Variants in HTT observed in about 807,000 individuals in gnomAD.
The protein encoded by HTT is huntington disease protein.
Under a neutral mutation model 362.3 loss-of-function variants are expected in HTT, and 104 were observed. The observed-to-expected ratio is 0.29, with a 90% CI of 0.24 to 0.34. The LOEUF is 0.34. HTT is among the 10% of genes least tolerant of loss of function. HTT has a pLI of 1.00. For missense variants in HTT, 3,301 were observed against 3,928.6 expected (o/e 0.84, Z 4.27); for synonymous variants, 1,577 against 1,548.7 (o/e 1.02, Z -0.43).
At position 3,105,719 on chromosome 4, in the gene HTT, C is replaced by T. The variant is rs148892943; in HGVS notation, c.608+283C>T. ...CTTACTGTCTTATGCTCTGTTGCAG[C>T]CCAGCAGCGATAACAGTGTCTGCAC... On this transcript the variant is annotated intron_variant, in intron 5 of 66. Coordinates refer to ENST00000355072, the MANE Select transcript of HTT (RefSeq NM_001388492.1). Among the ~76,000 whole-genome samples, 444 of 152,310 alleles carry T rather than the reference C, an allele frequency of 2.9e-3. 3 individuals are homozygous for T. Among genetic ancestry groups the T allele is most frequent in the African/African-American group, 1.0e-2 (414 of 41,552 alleles).
At position 3,211,858 on chromosome 4, in the gene HTT, G is replaced by A. The variant is rs147512260; in HGVS notation, c.6415-71G>A. The A allele has an allele frequency of 5.3e-4, 587 of 1,107,196 alleles. 1 individual carries two copies. The African/African-American group carries it at 8.2e-3, about 15-fold the overall frequency. 68.6% of individuals were successfully genotyped at this position (1,107,196 alleles called of 1,614,324 possible). A position where few individuals can be genotyped will look rare whatever the true frequency, so the allele number is the denominator to read the frequency against. Reference sequence around the variant, plus strand: ...TTTGCCTTATTCTTTTTTCTGTTGTGTTTTTCTTACCTGATTGAAAGCTCA... The same window carrying A: ...TTTGCCTTATTCTTTTTTCTGTTGTATTTTTCTTACCTGATTGAAAGCTCA... On this transcript the variant is annotated intron_variant, in intron 47 of 66. Transcript: ENST00000355072.
chr4:3,217,417 A>C (rs1288008043), intron 51 of HTT, among the ~76,000 whole-genome samples: 1 of 152,182 alleles, frequency 6.6e-6, no homozygotes, highest in Non-Finnish European at 1.5e-5. Context: ...GAGAAAGACG[A>C]GGGGCAGAGG....
rs1719921978 is a variant in HTT at position 3,207,449 on chromosome 4, A to T, written c.6152+92A>T. On this transcript the variant is annotated intron_variant, in intron 45 of 66. Transcript: ENST00000355072. Reference sequence around the variant, plus strand: ...ACGGGAATAAATTCACAGGACAAGAAATCGATGTGCCTTATAGGTGGGTTT... The same window carrying T: ...ACGGGAATAAATTCACAGGACAAGATATCGATGTGCCTTATAGGTGGGTTT... The T allele has an allele frequency of 3.7e-6, 4 of 1,070,148 alleles. No individual in the cohort carries two copies. The Admixed American group carries it at 6.1e-5, about 16-fold the overall frequency. 66.3% of individuals were successfully genotyped at this position (1,070,148 alleles called of 1,614,324 possible).
intron 6 of HTT, among the ~76,000 whole-genome samples, chr4:3,111,868 T>A (rs1714768537): frequency 3.3e-5 from 5 of 152,144 alleles, no homozygotes; most frequent in Admixed American, 3.3e-4. Flanking sequence ...CCCTCCACTT[T>A]CAGATGTATG....
chr4:3,160,236 C>T (rs774766239), intron 28 of HTT, 46 bp from the exon 29 acceptor site: 11 of 1,235,356 alleles, frequency 8.9e-6, no homozygotes, highest in South Asian at 3.8e-5. Context: ...ATTATGAGAT[C>T]GTGACAGGGC....
In HTT at chr4:3,138,046, T is replaced by A. The variant is rs75006673; in HGVS notation, c.2798+1720T>A. ...ATTTTGGTACTTACTGTGAAACTGC[T>A]CTTCAAAAACATACCATTGTTCCTT... is the stretch of plus-strand genomic sequence containing the variant. On this transcript the variant is annotated intron_variant, in intron 21 of 66. Transcript: ENST00000355072. 5.6e-4 allele frequency among the ~76,000 whole-genome samples: 85 copies of A among 152,004 alleles called. 1 individual carries two copies. Among genetic ancestry groups the A allele is most frequent in the Non-Finnish European group, 1.0e-3 (68 of 67,964 alleles).
chr4:3,122,598 T>A (rs1441960312), intron 9 of HTT, among the ~76,000 whole-genome samples: 2 of 152,248 alleles, frequency 1.3e-5, no homozygotes, highest in Admixed American at 6.5e-5. Flanking sequence ...ACTTGACTGT[T>A]AGTCAGCTAA....
intron 3 of HTT, 68 bp from the exon 4 acceptor site, chr4:3,103,756 T>C (rs2110159915): frequency 1.0e-6 from 1 of 957,168 alleles, no homozygotes; most frequent in East Asian, 2.4e-5. Flanking sequence ...AATCTTAGTT[T>C]CCTTTTAGCT....
At position 3,218,069 on chromosome 4, in the gene HTT, G is replaced by A; in HGVS notation, c.7242+117G>A. On this transcript the variant is annotated intron_variant, in intron 52 of 66. Transcript: ENST00000355072. This position sits in a 1 kb window ranked among gnomAD's most constrained non-coding sequence, Gnocchi z 4.4. ...CCCCGCAGCCCAGAGGCTGCCTGCTGTGGTTCTGGTGCCCACTGTGGTTCT... is the reference window on the plus strand; with the variant it reads ...CCCCGCAGCCCAGAGGCTGCCTGCTATGGTTCTGGTGCCCACTGTGGTTCT... 2.4e-6 allele frequency: 2 copies of A among 845,914 alleles called. No individual in the cohort carries two copies. The highest frequency in any genetic ancestry group is 1.8e-6 in the Non-Finnish European group (1 of 563,208). 52.4% of individuals were successfully genotyped at this position (845,914 alleles called of 1,614,324 possible). A position where few individuals can be genotyped will look rare whatever the true frequency, so the allele number is the denominator to read the frequency against.
At chr4:3,234,278 A>G (rs1721412094) in intron 61 of HTT, among the ~76,000 whole-genome samples, 1 of 152,218 alleles carries the variant, frequency 6.6e-6, no homozygotes, top group Non-Finnish European at 1.5e-5. Context: ...ATCAGGGGCC[A>G]TTGCCCTCAT....
intron 40 of HTT, among the ~76,000 whole-genome samples, chr4:3,198,360 G>T (rs1242713929): frequency 6.6e-6 from 1 of 151,602 alleles, no homozygotes; most frequent in Non-Finnish European, 1.5e-5. Flanking sequence ...AAATACCTGG[G>T]ATTACAGGCA....
intron 56 of HTT, among the ~76,000 whole-genome samples, chr4:3,225,294 C>T (rs1050922814): frequency 6.6e-6 from 1 of 152,222 alleles, no homozygotes; most frequent in Non-Finnish European, 1.5e-5. Flanking sequence ...AGAGAGCTTG[C>T]CTGCCTGGAC....
At chr4:3,101,922 C>T (rs865882159) in intron 3 of HTT, among the ~76,000 whole-genome samples, 22 of 152,314 alleles carry the variant, frequency 1.4e-4, no homozygotes, top group Admixed American at 3.9e-4. Context: ...CCTTCTTAAT[C>T]ATCACCGCCT....
intron 15 of HTT, 107 bp downstream of exon 15, chr4:3,131,504 G>T: frequency 6.8e-7 from 1 of 1,465,164 alleles, no homozygotes; most frequent in South Asian, 1.2e-5. Flanking sequence ...TAGAATCTGA[G>T]GATGAGTTTG....
At chr4:3,094,500 G>A (rs951104955) in intron 2 of HTT, among the ~76,000 whole-genome samples, 1 of 151,276 alleles carries the variant, frequency 6.6e-6, no homozygotes, top group Non-Finnish European at 1.5e-5. Context: ...GCCGGGCAGA[G>A]GCGCCCCCCA....
At chr4:3,128,739 A>C (rs1023003009) in intron 12 of HTT, 2 of 152,218 alleles carry the variant, frequency 1.3e-5, no homozygotes, top group African/African-American at 4.8e-5. Flanking sequence ...TTTATACTCC[A>C]TTTTATTTTC....
At position 3,243,412 on chromosome 4, in the gene HTT, A is replaced by G. The variant is rs1226085152; in HGVS notation, c.*3353A>G. ...AGGGGTCACGTGTAGGAGTGAGAAG[A>G]AGGAAGATCTTGAGAGCTGCTGAGG... On this transcript the variant is annotated 3_prime_UTR_variant, in exon 67 of 67. Transcript: ENST00000355072. The G allele has an allele frequency of 1.3e-5, 2 of 152,464 alleles. No homozygotes were observed. Among genetic ancestry groups the G allele is most frequent in the Non-Finnish European group, 2.9e-5 (2 of 68,118 alleles). 9.4% of individuals were successfully genotyped at this position (152,464 alleles called of 1,614,324 possible).
chr4:3,161,374 A>G (rs139581013), intron 29 of HTT, among the ~76,000 whole-genome samples: 5,221 of 152,306 alleles, frequency 0.034, 276 homozygotes, highest in African/African-American at 0.12. Flanking sequence ...TAGTGCCACA[A>G]TAAACATACA....
At chr4:3,164,871 A>G (rs564231011) in intron 29 of HTT, among the ~76,000 whole-genome samples, 1 of 152,220 alleles carries the variant, frequency 6.6e-6, no homozygotes, top group East Asian at 1.9e-4. Flanking sequence ...TTGACTCTTT[A>G]TCCAATTTGC....
Sources: allele counts gnomAD v4.1 joint callset (sites outside exome capture counted in the v4.1 genomes callset), GRCh38; gene constraint gnomAD v4.1.1; non-coding constraint Gnocchi (gnomAD v3.1); transcripts MANE v1.5; gene names NCBI Gene and HGNC (gene_info 2026-07-23, HGNC 2026-07-21).